Variants in SLC22A6 observed in about 807,000 individuals in gnomAD.
SLC22A6 encodes the protein PAH transporter.
A neutral mutation model predicts 56.7 loss-of-function variants in SLC22A6; 45 were observed. The observed-to-expected ratio is 0.79, with a 90% CI of 0.63 to 1.02. The LOEUF is 1.02. SLC22A6 is among the 50% of genes least tolerant of loss of function. The pLI is 0.00. For missense variants in SLC22A6, 606 were observed against 713.8 expected (o/e 0.85, Z 1.72); for synonymous variants, 291 against 295.9 (o/e 0.98, Z 0.17).
At chr11:62,977,135 C>A in intron 9 of SLC22A6, 49 bp downstream of exon 9, 1 of 1,613,888 alleles carries the variant, frequency 6.2e-7, no homozygotes, top group Non-Finnish European at 8.5e-7. Context: ...CCCCACCCTG[C>A]ATGTGTTACC....
Position 62,983,103 on chromosome 11 carries a change from G to A in SLC22A6, c.628+434C>T, listed in dbSNP as rs975893161. Reference sequence around the variant, plus strand: ...TCTATTGCCCAGGCTGGAGTGCAGTGGCGCAATCTCCGCTCACTGAAAGCT... The same window carrying A: ...TCTATTGCCCAGGCTGGAGTGCAGTAGCGCAATCTCCGCTCACTGAAAGCT... On this transcript the variant is annotated intron_variant, in intron 3 of 9. Coordinates refer to ENST00000360421, the MANE Select transcript of SLC22A6 (RefSeq NM_153276.3). This position sits in a 1 kb window ranked among gnomAD's most constrained non-coding sequence, Gnocchi z 4.5. 1.4e-4 allele frequency among the ~76,000 whole-genome samples: 21 copies of A among 151,358 alleles called. No homozygotes were observed. The highest frequency in any genetic ancestry group is 5.1e-4 in the African/African-American group (21 of 41,186).
intron 8 of SLC22A6, among the ~76,000 whole-genome samples, chr11:62,978,590 C>CTT (rs1230405831): frequency 0.036 from 3,700 of 102,566 alleles, 172 homozygotes; most frequent in Middle Eastern, 0.084. Flanking sequence ...GTCTTGATCT[C>CTT]TTTTTTTTTT....
chr11:62,981,065 C>T lies in SLC22A6; in HGVS notation c.957G>A (p.Met319Ile). Reference sequence around the variant, plus strand: ...CCATGGCCGATGCCTGGCCTTTGCCCATGGTCAGCTCCTTCTGCAGACTGG... The same window carrying T: ...CCATGGCCGATGCCTGGCCTTTGCCTATGGTCAGCTCCTTCTGCAGACTGG... Reference protein sequence around the residue: ...LRASLQKELTMGKGQASAMEL... With the variant: ...LRASLQKELTIGKGQASAMEL... The change falls in exon 6 of 10, where the codon ATG becomes ATA. Residue 319 changes from methionine (M) to isoleucine (I), a missense_variant. Met to Ile is a conservative substitution (Grantham distance 10). Transcript: ENST00000360421. 2 of 1,612,656 alleles carry T rather than the reference C, an allele frequency of 1.2e-6. No homozygotes were observed. Among genetic ancestry groups the T allele is most frequent in the Non-Finnish European group, 1.7e-6 (2 of 1,178,928 alleles).
intron 7 of SLC22A6, 50 bp from the exon 8 acceptor site, chr11:62,979,646 A>G: frequency 1.3e-6 from 2 of 1,588,446 alleles, no homozygotes; most frequent in South Asian, 2.2e-5. Flanking sequence ...GGAGGCTAGG[A>G]GGAATTGGCC....
At chr11:62,984,100 C>A in intron 1 of SLC22A6, 53 bp from the exon 2 acceptor site, 1 of 1,344,084 alleles carries the variant, frequency 7.4e-7, no homozygotes, top group Admixed American at 1.9e-5. Context: ...TTCAGAGAAT[C>A]CCCTTCCCCC....
chr11:62,980,018 T>C, intron 6 of SLC22A6, 70 bp from the exon 7 acceptor site: 1 of 1,069,500 alleles, frequency 9.4e-7, no homozygotes, highest in Non-Finnish European at 1.4e-6. Context: ...TTCAAAACAG[T>C]GGGGGAACTG....
chr11:62,980,062 C>T, intron 6 of SLC22A6, 114 bp from the exon 7 acceptor site: 2 of 705,620 alleles, frequency 2.8e-6, no homozygotes, highest in Non-Finnish European at 5.0e-6. Context: ...CTGGAATCTG[C>T]CTTGGCTAAT....
In SLC22A6 at chr11:62,979,859, G is replaced by C. The variant is rs781297727; in HGVS notation, c.1127C>G (p.Ala376Gly). The change falls in exon 7 of 10, where the codon GCT becomes GGT. Residue 376 changes from alanine (A) to glycine (G), a missense_variant. Transcript: ENST00000360421. Reference protein sequence around the residue: ...SIYLIQVIFGAVDLPAKLVGF... With the variant: ...SIYLIQVIFGGVDLPAKLVGF... ...CACAAGCTTGGCAGGCAGGTCCACA[G>C]CACCAAAGATCACCTGGATTAGGTA... The C allele has an allele frequency of 6.2e-7, 1 of 1,614,190 alleles. No homozygotes were observed. Among genetic ancestry groups the C allele is most frequent in the Non-Finnish European group, 8.5e-7 (1 of 1,179,996 alleles).
chr11:62,983,408 C>A lies in SLC22A6; in HGVS notation c.628+129G>T. 1 of 926,330 alleles carries A rather than the reference C, an allele frequency of 1.1e-6. No homozygotes were observed. Among genetic ancestry groups the A allele is most frequent in the South Asian group, 1.5e-5 (1 of 65,600 alleles). The allele number at this position is 926,330 out of a possible 1,614,324, so 57.4% of individuals were successfully genotyped here. On this transcript the variant is annotated intron_variant, in intron 3 of 9. Transcript: ENST00000360421. The surrounding 1 kb of genome is among the most constrained non-coding windows in gnomAD (Gnocchi z 4.5). ...GCCTGAGAAAAGGTTGTTCTATTGG[C>A]AGGAAGGTGAGACCCGAGAGAGGCT...
At chr11:62,984,086 T>A in intron 1 of SLC22A6, 39 bp from the exon 2 acceptor site, 1 of 1,448,418 alleles carries the variant, frequency 6.9e-7, no homozygotes, top group Non-Finnish European at 9.6e-7. Context: ...GAGATGAGCC[T>A]GGCTTCAGAG....
intron 4 of SLC22A6, among the ~76,000 whole-genome samples, 180 bp from the exon 5 acceptor site, chr11:62,981,563 T>C (rs936609769): frequency 1.3e-5 from 2 of 152,080 alleles, no homozygotes; most frequent in Middle Eastern, 3.2e-3. Flanking sequence ...GGTAATGACA[T>C]ATTCCCCAAT....
rs1409384186 is a variant in SLC22A6 at position 62,979,541 on chromosome 11, G to A, written c.1308C>T (p.Ala436=). Reference sequence around the variant, plus strand: ...TATACAGGAAGATGCAGTTGAAGGAGGCAGCCAGACAACCCTTCCCCAGCA... The same window carrying A: ...TATACAGGAAGATGCAGTTGAAGGAAGCAGCCAGACAACCCTTCCCCAGCA... ...LAVLGKGCLA[A]SFNCIFLYTG... Residue 436 remains alanine (A), a synonymous_variant, in exon 8 of 10, where the codon GCC becomes GCT. Coordinates refer to ENST00000360421, the MANE Select transcript of SLC22A6 (RefSeq NM_153276.3). 6.2e-7 allele frequency: 1 copy of A among 1,614,058 alleles called. No individual in the cohort carries two copies. Among genetic ancestry groups the A allele is most frequent in the East Asian group, 2.2e-5 (1 of 44,902 alleles).
In SLC22A6 at chr11:62,977,193, A is replaced by C. The variant is rs2086199267; in HGVS notation, c.1556T>G (p.Leu519Arg). The C allele has an allele frequency of 1.2e-6, 2 of 1,614,062 alleles. No homozygotes were observed. Among genetic ancestry groups the C allele is most frequent in the Non-Finnish European group, 8.5e-7 (1 of 1,180,042 alleles). ...GQPLPDTVQD[L>R]ESRKGKQTRQ... ...CTGAGTGGGGGCCCACCTGCTCTCC[A>C]GGTCCTGCACCGTGTCTGGCAGTGG... Residue 519 changes from leucine to arginine, a missense_variant, in exon 9 of 10, where the codon CTG becomes CGG. Transcript: ENST00000360421.
At chr11:62,981,536 G>A (rs1358503215) in intron 4 of SLC22A6, among the ~76,000 whole-genome samples, 153 bp from the exon 5 acceptor site, 5 of 152,174 alleles carry the variant, frequency 3.3e-5, no homozygotes, top group Admixed American at 1.3e-4. Flanking sequence ...CTAGGACCAC[G>A]AGGCAGTGCC....
Position 62,977,324 on chromosome 11 carries a change from C to T in SLC22A6, c.1425G>A (p.Val475=). The T allele has an allele frequency of 1.2e-6, 2 of 1,610,618 alleles. No homozygotes were observed. The highest frequency in any genetic ancestry group is 2.2e-5 in the South Asian group (2 of 90,966). ...ARVGSIVSPL[V]SMTAELYPSM... ...AGGGGTAGAGCTCGGCAGTCATGCT[C>T]ACCAGTGGGCTCACGATGCTGCCCA... Residue 475 remains valine, a synonymous_variant, in exon 9 of 10, where the codon GTG becomes GTA. Transcript: ENST00000360421.
At position 62,984,828 on chromosome 11, in the gene SLC22A6, T is replaced by C; in HGVS notation, c.-138A>G. 1 of 867,950 alleles carries C rather than the reference T, an allele frequency of 1.2e-6. No individual in the cohort carries two copies. Among genetic ancestry groups the C allele is most frequent in the Non-Finnish European group, 1.7e-6 (1 of 579,608 alleles). 53.8% of individuals were successfully genotyped at this position (867,950 alleles called of 1,614,324 possible). A position where few individuals can be genotyped will look rare whatever the true frequency, so the allele number is the denominator to read the frequency against. ...CAGCTGGGTTGCTCCGGGAGCTGAG[T>C]CCGAGCTGCTCTGTGGGGGGACAGC... On this transcript the variant is annotated 5_prime_UTR_variant, in exon 1 of 10. Coordinates refer to ENST00000360421, the MANE Select transcript of SLC22A6 (RefSeq NM_153276.3).
chr11:62,978,184 C>A lies in SLC22A6; in HGVS notation c.1362-797G>T, dbSNP rs142383360. Among the ~76,000 whole-genome samples, 29 of 152,288 alleles carry A rather than the reference C, an allele frequency of 1.9e-4. No homozygotes were observed. The East Asian group carries it at 5.0e-3, about 26-fold the overall frequency. On this transcript the variant is annotated intron_variant, in intron 8 of 9. Coordinates refer to ENST00000360421, the MANE Select transcript of SLC22A6 (RefSeq NM_153276.3). ...GGATTATTGCTCTTTCATCTGAAAT[C>A]TGGTAAGGGCACAGGACCATGACCC... is the stretch of plus-strand genomic sequence containing the variant.
chr11:62,983,886 C>G lies in SLC22A6; in HGVS notation c.473+58G>C, dbSNP rs768356436. On this transcript the variant is annotated intron_variant, in intron 2 of 9. Coordinates refer to ENST00000360421, the MANE Select transcript of SLC22A6 (RefSeq NM_153276.3). The surrounding 1 kb of genome is among the most constrained non-coding windows in gnomAD (Gnocchi z 4.5). ...CAAGCTCCCACCTAGACACCCTGAGCCCAGCTGAGCCCCTAATCCCAGCCC... is the reference window on the plus strand; with the variant it reads ...CAAGCTCCCACCTAGACACCCTGAGGCCAGCTGAGCCCCTAATCCCAGCCC... 1.6e-5 allele frequency: 21 copies of G among 1,352,836 alleles called. No individual in the cohort carries two copies. Among genetic ancestry groups the G allele is most frequent in the Non-Finnish European group, 1.9e-5 (18 of 966,538 alleles). 83.8% of individuals were successfully genotyped at this position (1,352,836 alleles called of 1,614,324 possible).
intron 5 of SLC22A6, 31 bp downstream of exon 5, chr11:62,981,229 G>C: frequency 6.2e-7 from 1 of 1,608,764 alleles, no homozygotes; most frequent in Non-Finnish European, 8.5e-7. Context: ...AGCCCTGGGA[G>C]GTTATCATGG....
Sources: allele counts gnomAD v4.1 joint callset (sites outside exome capture counted in the v4.1 genomes callset), GRCh38; gene constraint gnomAD v4.1.1; non-coding constraint Gnocchi (gnomAD v3.1); transcripts MANE v1.5; gene names NCBI Gene and HGNC (gene_info 2026-07-23, HGNC 2026-07-21).